Variants in RUVBL1 observed in about 807,000 individuals in gnomAD.
RUVBL1 encodes RuvB like AAA ATPase 1.
In RUVBL1, 4 loss-of-function variants were observed where a neutral mutation model predicts 52.4. The observed-to-expected ratio is 0.08, with a 90% CI of 0.04 to 0.17. RUVBL1 has a LOEUF of 0.17. Among genes scored for constraint, RUVBL1 ranks in the 10% least tolerant of loss-of-function variants. The pLI is 1.00. For missense variants in RUVBL1, 298 were observed against 572.8 expected (o/e 0.52, Z 4.90); for synonymous variants, 217 against 214.4 (o/e 1.01, Z -0.10).
chr3:128,069,787 A>T, intron 9 of RUVBL1: 1 of 875,854 alleles, frequency 1.1e-6, no homozygotes, highest in Non-Finnish European at 1.8e-6. Context: ...GTATTCTTTC[A>T]TTCCACTGTG....
chr3:128,130,617 TTATTTATTTATG>T (rs1320238126), intron 1 of RUVBL1, among the ~76,000 whole-genome samples: 2,087 of 45,154 alleles, frequency 0.046, 51 homozygotes, highest in African/African-American at 0.13. Context: ...AAAAAAAATT[TTATTTATTTATG>T]TATTTATTTA....
rs770038193 is a variant in RUVBL1, at chr3:128,067,457, G to A, written c.940-2237C>T. 2 of 1,614,168 alleles carry A rather than the reference G, an allele frequency of 1.2e-6. No individual in the cohort carries two copies. The highest frequency in any genetic ancestry group is 1.1e-5 in the South Asian group (1 of 91,078). ...TGGGGGCCCAGCACGTGCTTATCCA[G>A]TTGGTGGCCTTTGCTATTACCTGTC... On this transcript the variant is annotated intron_variant, in intron 9 of 9. Coordinates refer to the RUVBL1 transcript ENST00000464873. The surrounding 1 kb of genome is among the most constrained non-coding windows in gnomAD (Gnocchi z 4.1).
rs1344489842 is a variant in RUVBL1 at position 128,096,605 on chromosome 3, T to C, written c.1016+695A>G. ...ACTTTGGGAGGCTGAGGCGGGCAGA[T>C]CACGAGGTCAGGAGATCAAGACCAT... On this transcript the variant is annotated intron_variant, in intron 8 of 10. Transcript: ENST00000322623. Among the ~76,000 whole-genome samples the C allele has an allele frequency of 4.6e-5, 7 of 152,216 alleles. No homozygotes were observed. The East Asian group carries it at 1.4e-3, about 30-fold the overall frequency.
In RUVBL1 at chr3:128,134,336, G is replaced by A. The variant is rs149829775; in HGVS notation, c.-39-14922C>T. ...ATGTTACCTGGGCGCGGTGGTAGGC[G>A]CCTGTAATCCAGCTACTCAGGAGGC... On this transcript the variant is annotated intron_variant, in intron 1 of 9. Transcript: ENST00000464873. 2.8e-4 allele frequency among the ~76,000 whole-genome samples: 42 copies of A among 151,842 alleles called. No individual in the cohort carries two copies. The East Asian group carries it at 6.6e-3, about 24-fold the overall frequency.
chr3:128,065,215 T>G (rs752692766), exon 10 of RUVBL1: 37 of 733,388 alleles, frequency 5.0e-5, no homozygotes, highest in Admixed American at 1.0e-4. Context: ...CATTGAGTCA[T>G]GGGACCTGCC....
intron 4 of RUVBL1, among the ~76,000 whole-genome samples, chr3:128,103,816 A>G (rs1943163206): frequency 1.3e-5 from 2 of 152,262 alleles, no homozygotes; most frequent in Admixed American, 6.5e-5. Context: ...AAAGTTATGA[A>G]TGACAATAAA....
downstream of RUVBL1, among the ~76,000 whole-genome samples, chr3:128,078,199 C>T (rs1018422428): frequency 6.6e-6 from 1 of 152,226 alleles, no homozygotes; most frequent in Non-Finnish European, 1.5e-5. Flanking sequence ...CCCCAGCCCC[C>T]TTCTGTACCC....
chr3:128,135,404 G>A (rs1943934303), intron 1 of RUVBL1, among the ~76,000 whole-genome samples: 3 of 152,126 alleles, frequency 2.0e-5, no homozygotes, highest in Admixed American at 2.0e-4. Context: ...GTGGCGGCAT[G>A]CACCTGTAGT....
intron 3 of RUVBL1, among the ~76,000 whole-genome samples, chr3:128,109,809 ATTT>A (rs60187195): frequency 2.5e-5 from 2 of 80,486 alleles, no homozygotes; most frequent in African/African-American, 1.0e-4. Flanking sequence ...CTCTCTGTAA[ATTT>A]TTTTTTTTTT....
At chr3:128,134,384 C>A (rs1943921543) in intron 1 of RUVBL1, among the ~76,000 whole-genome samples, 1 of 150,468 alleles carries the variant, frequency 6.6e-6, no homozygotes, top group African/African-American at 2.5e-5. Flanking sequence ...ATCACCTGAA[C>A]CTGGGAGGCA....
exon 1 of RUVBL1, chr3:128,153,528 C>T (rs959615272): frequency 3.3e-6 from 5 of 1,516,026 alleles, no homozygotes; most frequent in African/African-American, 2.9e-5. Flanking sequence ...GGCGGGTGAA[C>T]GTGAACGTGG....
intron 8 of RUVBL1, among the ~76,000 whole-genome samples, chr3:128,091,199 C>T (rs1016022105): frequency 6.7e-6 from 1 of 149,944 alleles, no homozygotes; most frequent in African/African-American, 2.5e-5. Flanking sequence ...TAGTGGGAGA[C>T]GGTTCTAGTC....
chr3:128,082,754 G>C lies in RUVBL1; in HGVS notation c.1120-180C>G, dbSNP rs1269830703. ...ACTGCCGGCCCGGCACCCTCCAGGA[G>C]GCATGTGCGGCCCTGCAGTATGCAT... is the stretch of plus-strand genomic sequence containing the variant. On this transcript the variant is annotated intron_variant, in intron 9 of 10. Transcript: ENST00000322623. This position sits in a 1 kb window ranked among gnomAD's most constrained non-coding sequence, Gnocchi z 4.7. 1.8e-6 allele frequency: 1 copy of C among 560,128 alleles called. No homozygotes were observed. Among genetic ancestry groups the C allele is most frequent in the African/African-American group, 1.9e-5 (1 of 52,694 alleles). The allele number at this position is 560,128 out of a possible 1,614,324, so 34.7% of individuals were successfully genotyped here.
At chr3:128,137,703 C>G (rs1943967930) in intron 1 of RUVBL1, among the ~76,000 whole-genome samples, 1 of 152,156 alleles carries the variant, frequency 6.6e-6, no homozygotes, top group Non-Finnish European at 1.5e-5. Flanking sequence ...CAGTGTTACC[C>G]TGATACCCAA....
intron 1 of RUVBL1, among the ~76,000 whole-genome samples, chr3:128,137,307 A>C (rs1470881358): frequency 2.0e-5 from 3 of 152,206 alleles, no homozygotes; most frequent in African/African-American, 7.2e-5. Context: ...AGTCAGACTA[A>C]GAAAAAAACA....
intron 9 of RUVBL1, chr3:128,069,732 C>T (rs905137984): frequency 1.6e-5 from 21 of 1,296,124 alleles, no homozygotes; most frequent in South Asian, 3.7e-5. Context: ...CATCATGGCG[C>T]GTGCTGCTGC....
chr3:128,153,358 C>G (rs1412218813), exon 1 of RUVBL1: 9 of 1,384,428 alleles, frequency 6.5e-6, no homozygotes, highest in African/African-American at 1.5e-5. Flanking sequence ...CGGCTGTGCC[C>G]GTGAGCCTCA....
chr3:128,151,149 T>C (rs1193826347), intron 1 of RUVBL1, among the ~76,000 whole-genome samples: 2 of 128,538 alleles, frequency 1.6e-5, no homozygotes, highest in African/African-American at 3.0e-5. Context: ...ATTCTATATA[T>C]TCTATATATA....
In RUVBL1 at chr3:128,097,553, C is replaced by G. The variant is rs138933180; in HGVS notation, c.818-55G>C. On this transcript the variant is annotated intron_variant, in intron 7 of 10. Transcript: ENST00000322623. ...TCAGCACAGGGCTGGGGGAGACTAT[C>G]GCCTTTTCTCCTCCACCTGAATTCA... 3 of 1,486,244 alleles carry G rather than the reference C, an allele frequency of 2.0e-6. No homozygotes were observed. The African/African-American group carries it at 4.1e-5, about 20-fold the overall frequency. The allele number at this position is 1,486,244 out of a possible 1,614,324, so 92.1% of individuals were successfully genotyped here.
Sources: allele counts gnomAD v4.1 joint callset (sites outside exome capture counted in the v4.1 genomes callset), GRCh38; gene constraint gnomAD v4.1.1; non-coding constraint Gnocchi (gnomAD v3.1); transcripts MANE v1.5; gene names NCBI Gene and HGNC (gene_info 2026-07-23, HGNC 2026-07-21).